Variants in TIAM1 observed in about 807,000 individuals in gnomAD.
TIAM1 encodes TIAM Rac1 associated GEF 1, also known as rho guanine nucleotide exchange factor TIAM1.
A neutral mutation model predicts 163.5 loss-of-function variants in TIAM1; 65 were observed. The ratio of observed to expected loss-of-function variants is 0.40; its 90% CI spans 0.33 to 0.49. The LOEUF is 0.49. TIAM1 is among the 20% of genes least tolerant of loss of function. The pLI is 0.77. For missense variants in TIAM1, 1,789 were observed against 2,044.7 expected (o/e 0.87, Z 2.41); for synonymous variants, 833 against 810.1 (o/e 1.03, Z -0.48).
At chr21:31,198,904 A>G (rs931627652) in intron 12 of TIAM1, among the ~76,000 whole-genome samples, 2 of 152,238 alleles carry the variant, frequency 1.3e-5, no homozygotes, top group African/African-American at 4.8e-5. Context: ...AGCCAGGTTT[A>G]GTGAACAAAA....
chr21:31,516,175 G>A (rs1361655149), intron 1 of TIAM1, among the ~76,000 whole-genome samples: 1 of 151,540 alleles, frequency 6.6e-6, no homozygotes, highest in Non-Finnish European at 1.5e-5. Context: ...ACTCTGAGAG[G>A]CCAAGGCAGG....
chr21:31,298,976 G>A (rs2074401212), intron 2 of TIAM1, among the ~76,000 whole-genome samples: 1 of 152,098 alleles, frequency 6.6e-6, no homozygotes, highest in African/African-American at 2.4e-5. Flanking sequence ...GGAGGAGGGA[G>A]GCGTAGGGCG....
At chr21:31,134,254 A>G (rs2082530742) in intron 23 of TIAM1, among the ~76,000 whole-genome samples, 1 of 152,142 alleles carries the variant, frequency 6.6e-6, no homozygotes, top group South Asian at 2.1e-4. Flanking sequence ...GTAGTCCCAC[A>G]TCACTGTGTG....
chr21:31,157,447 T>A (rs1365826945), intron 16 of TIAM1, among the ~76,000 whole-genome samples: 1 of 152,246 alleles, frequency 6.6e-6, no homozygotes, highest in Non-Finnish European at 1.5e-5. Flanking sequence ...TGCATTTGTA[T>A]GATTGTATAC....
intron 9 of TIAM1, 129 bp downstream of exon 9, chr21:31,217,424 A>T: frequency 1.6e-6 from 2 of 1,260,768 alleles, no homozygotes; most frequent in South Asian, 3.0e-5. Context: ...TAGCACAGCT[A>T]GTTTCTTTGT....
chr21:31,387,195 CTTTTTT>C (rs60592178), intron 2 of TIAM1, among the ~76,000 whole-genome samples: 43 of 75,166 alleles, frequency 5.7e-4, no homozygotes, highest in African/African-American at 1.9e-3. Context: ...AGCTTATTCT[CTTTTTT>C]TTTTTTTTTT....
chr21:31,557,476 G>T (rs1483051405), intron 1 of TIAM1, among the ~76,000 whole-genome samples: 4 of 152,118 alleles, frequency 2.6e-5, no homozygotes, highest in Admixed American at 2.6e-4. Context: ...CTTTACAGAT[G>T]CGCAAACTGA....
At chr21:31,447,941 A>G (rs2044689679) in intron 2 of TIAM1, among the ~76,000 whole-genome samples, 2 of 152,220 alleles carry the variant, frequency 1.3e-5, no homozygotes, top group African/African-American at 4.8e-5. Flanking sequence ...GGCTGAAAGC[A>G]GGAGGGAAAA....
intron 1 of TIAM1, among the ~76,000 whole-genome samples, chr21:31,551,965 C>T (rs557221102): frequency 4.8e-4 from 72 of 150,424 alleles, no homozygotes; most frequent in African/African-American, 1.7e-3. Flanking sequence ...AGGACCGGGG[C>T]AGAAGACTGT....
chr21:31,261,584 A>G (rs1480783581), intron 4 of TIAM1, among the ~76,000 whole-genome samples: 1 of 152,116 alleles, frequency 6.6e-6, no homozygotes, highest in Non-Finnish European at 1.5e-5. Context: ...GCCGTGGTGC[A>G]TGCCTGTAAT....
intron 4 of TIAM1, among the ~76,000 whole-genome samples, chr21:31,255,510 G>C (rs2833351): frequency 0.85 from 129,104 of 152,108 alleles, 55,874 homozygotes; most frequent in East Asian, 0.99. Flanking sequence ...AGGGGCTCCT[G>C]CTACTACCCA....
At chr21:31,284,593 A>C (rs1305171758) in intron 2 of TIAM1, among the ~76,000 whole-genome samples, 1 of 152,048 alleles carries the variant, frequency 6.6e-6, no homozygotes, top group Non-Finnish European at 1.5e-5. Flanking sequence ...ATCTTGGCTC[A>C]CCGCAACCTC....
intron 4 of TIAM1, among the ~76,000 whole-genome samples, chr21:31,252,488 T>G (rs1449360762): frequency 6.6e-6 from 1 of 152,102 alleles, no homozygotes; most frequent in Non-Finnish European, 1.5e-5. Flanking sequence ...TCTAAGATAA[T>G]TAACGAATTG....
intron 18 of TIAM1, 53 bp downstream of exon 18, chr21:31,153,010 CCAA>C: frequency 2.6e-6 from 4 of 1,534,076 alleles, no homozygotes; most frequent in South Asian, 1.2e-5. Context: ...TTCCTCTTTA[CCAA>C]CAAGTCAAAC....
At chr21:31,243,036 T>A (rs1264799007) in intron 6 of TIAM1, among the ~76,000 whole-genome samples, 1 of 148,844 alleles carries the variant, frequency 6.7e-6, no homozygotes, top group Non-Finnish European at 1.5e-5. Context: ...GAAAAAAAAA[T>A]ACAAAATTAG....
chr21:31,532,542 AT>A lies in TIAM1; in HGVS notation c.-422+26384del, dbSNP rs2048003719. On this transcript the variant is annotated intron_variant, in intron 1 of 28. Coordinates refer to the TIAM1 transcript ENST00000286827. Reference sequence around the variant, plus strand: ...GTTACTCACAATAGGCACTGATATAATGTCTACCTAATCTTTTAAATGTGCC... The same window carrying A: ...GTTACTCACAATAGGCACTGATATAAGTCTACCTAATCTTTTAAATGTGCC... Among the ~76,000 whole-genome samples, 6 of 152,324 alleles carry A rather than the reference AT, an allele frequency of 3.9e-5. No individual in the cohort carries two copies. The South Asian group carries it at 1.2e-3, about 32-fold the overall frequency.
At chr21:31,488,381 G>A (rs2046346812) in intron 1 of TIAM1, among the ~76,000 whole-genome samples, 1 of 152,146 alleles carries the variant, frequency 6.6e-6, no homozygotes, top group Admixed American at 6.5e-5. Flanking sequence ...GATGGGGAGG[G>A]AGATACAAAA....
chr21:31,124,726 A>G, intron 26 of TIAM1, 32 bp from the exon 27 acceptor site: 1 of 1,524,264 alleles, frequency 6.6e-7, no homozygotes, highest in Non-Finnish European at 8.8e-7. Context: ...ATGTTAGAGA[A>G]TCAGGGCTTA....
intron 1 of TIAM1, 68 bp from the exon 2 acceptor site, chr21:31,339,490 G>A (rs951892104): frequency 5.0e-6 from 2 of 398,198 alleles, no homozygotes; most frequent in African/African-American, 4.1e-5. Flanking sequence ...GAGATTGCAA[G>A]ATTATCCTCA....
Sources: gnomAD v4.1 joint callset for allele counts (sites outside exome capture counted in the v4.1 genomes callset) on GRCh38, gnomAD v4.1.1 for gene constraint, MANE v1.5 for transcripts, NCBI Gene and HGNC (gene_info 2026-07-23, HGNC 2026-07-21) for gene names.